SGMS1: variants seen among roughly 807,000 people sequenced by gnomAD.
The protein encoded by SGMS1 is sphingomyelin synthase 1.
SGMS1 carries 13 observed loss-of-function variants against 46.2 expected under a neutral mutation model. The observed-to-expected ratio is 0.28, with a 90% CI of 0.18 to 0.45. SGMS1 has a LOEUF of 0.45. Ranked by LOEUF, SGMS1 falls within the 20% of genes least tolerant of loss-of-function variation. SGMS1 has a pLI of 1.00. For missense variants in SGMS1, 324 were observed against 519.9 expected (o/e 0.62, Z 3.66); for synonymous variants, 203 against 187.8 (o/e 1.08, Z -0.66).
intron 6 of SGMS1, among the ~76,000 whole-genome samples, chr10:50,375,918 A>G (rs1436936587): frequency 6.6e-6 from 1 of 152,126 alleles, no homozygotes; most frequent in East Asian, 1.9e-4. Flanking sequence ...GCTAGACTCA[A>G]ACTCCTGGAT....
At chr10:50,506,641 C>A (rs1277937891) in intron 3 of SGMS1, among the ~76,000 whole-genome samples, 2 of 152,198 alleles carry the variant, frequency 1.3e-5, no homozygotes, top group African/African-American at 4.8e-5. Flanking sequence ...ACACAGGTCA[C>A]TCCTCCAGGA....
At chr10:50,392,502 G>C (rs1848787907) in intron 6 of SGMS1, among the ~76,000 whole-genome samples, 1 of 152,102 alleles carries the variant, frequency 6.6e-6, no homozygotes, top group African/African-American at 2.4e-5. Context: ...GGTTCTACTG[G>C]TGACTAGGTT....
chr10:50,356,493 T>C (rs1848150418), intron 6 of SGMS1, among the ~76,000 whole-genome samples: 1 of 152,058 alleles, frequency 6.6e-6, no homozygotes, highest in Non-Finnish European at 1.5e-5. Context: ...TCTGCTGACC[T>C]TCCCTCCACT....
intron 6 of SGMS1, among the ~76,000 whole-genome samples, chr10:50,403,157 T>C (rs969617906): frequency 4.6e-5 from 7 of 152,184 alleles, no homozygotes; most frequent in African/African-American, 1.2e-4. Context: ...CCGAAAAACA[T>C]AGTTTTAATA....
intron 2 of SGMS1, among the ~76,000 whole-genome samples, chr10:50,540,816 T>C (rs951076829): frequency 6.6e-6 from 1 of 152,136 alleles, no homozygotes; most frequent in Admixed American, 6.5e-5. Flanking sequence ...GCAGGTTTGT[T>C]TGTTTTTTGT....
At chr10:50,421,233 C>T (rs1270300678) in intron 6 of SGMS1, among the ~76,000 whole-genome samples, 1 of 152,190 alleles carries the variant, frequency 6.6e-6, no homozygotes, top group Non-Finnish European at 1.5e-5. Flanking sequence ...TCTGCAACCC[C>T]GATCTTAAAA....
At chr10:50,624,552 G>A (rs1357908637), upstream of SGMS1, 20 of 978,030 alleles carry the variant, frequency 2.0e-5, no homozygotes, top group Admixed American at 6.2e-5. Context: ...AGCTCTAACC[G>A]CGCGAGGTGA....
chr10:50,474,087 C>T (rs960101226), intron 3 of SGMS1: 1 of 152,332 alleles, frequency 6.6e-6, no homozygotes, highest in Middle Eastern at 3.4e-3. Flanking sequence ...TGGACTGAAG[C>T]CAGTTCCCAA....
intron 2 of SGMS1, among the ~76,000 whole-genome samples, chr10:50,587,838 G>T (rs1838501908): frequency 6.6e-6 from 1 of 152,116 alleles, no homozygotes; most frequent in Non-Finnish European, 1.5e-5. Context: ...ATGAGATTGT[G>T]TTAGTCATGC....
chr10:50,320,454 GTCT>G (rs1847422574), intron 8 of SGMS1, among the ~76,000 whole-genome samples: 4 of 152,306 alleles, frequency 2.6e-5, no homozygotes, highest in Admixed American at 1.3e-4. Context: ...TACTACTTAA[GTCT>G]ACTTCCCTCC....
chr10:50,350,539 G>A (rs920641146), intron 6 of SGMS1, among the ~76,000 whole-genome samples: 2 of 152,292 alleles, frequency 1.3e-5, no homozygotes, highest in Non-Finnish European at 2.9e-5. Context: ...AGGCCCAGGA[G>A]GAAAACGTTG....
chr10:50,443,189 C>A (rs1257369996), intron 5 of SGMS1, among the ~76,000 whole-genome samples: 1 of 152,108 alleles, frequency 6.6e-6, no homozygotes, highest in Non-Finnish European at 1.5e-5. Context: ...TTTGCAACAA[C>A]CCTAATGTAG....
chr10:50,624,634 G>A (rs1838900624), upstream of SGMS1: 2 of 985,160 alleles, frequency 2.0e-6, no homozygotes, highest in African/African-American at 3.5e-5. Flanking sequence ...GAGCTGCGGC[G>A]AAAACCCGGA....
chr10:50,622,344 G>A (rs775633750), intron 1 of SGMS1, among the ~76,000 whole-genome samples: 1 of 152,028 alleles, frequency 6.6e-6, no homozygotes, highest in Non-Finnish European at 1.5e-5. Context: ...CACCCATCGC[G>A]TTCCTACGTC....
chr10:50,602,763 G>C lies in SGMS1; in HGVS notation c.-683-12516C>G, dbSNP rs566558321. On this transcript the variant is annotated intron_variant, in intron 1 of 10. Coordinates refer to ENST00000361781, the MANE Select transcript of SGMS1 (RefSeq NM_147156.4). The stretch of plus-strand genomic sequence containing the variant: ...ATTGTATTATTCTCAGTAGGTTCCT[G>C]AACATTTAAAATATTTTAACAATAA... Among the ~76,000 whole-genome samples the C allele has an allele frequency of 2.6e-5, 4 of 152,232 alleles. No individual in the cohort carries two copies. The South Asian group carries it at 8.3e-4, about 32-fold the overall frequency.
At chr10:50,601,059 T>C in intron 1 of SGMS1, among the ~76,000 whole-genome samples, 1 of 152,072 alleles carries the variant, frequency 6.6e-6, no homozygotes, top group East Asian at 1.9e-4. Flanking sequence ...ATCCTTGCAG[T>C]TTAGAAAGAG....
intron 3 of SGMS1, among the ~76,000 whole-genome samples, chr10:50,506,505 C>T (rs1454865606): frequency 6.6e-6 from 1 of 152,024 alleles, no homozygotes; most frequent in Non-Finnish European, 1.5e-5. Context: ...AAAATCCATA[C>T]ATAGATAATG....
intron 5 of SGMS1, among the ~76,000 whole-genome samples, chr10:50,446,000 C>CA (rs1382203784): frequency 6.6e-6 from 1 of 152,154 alleles, no homozygotes; most frequent in African/African-American, 2.4e-5. Context: ...GATAAGCCCC[C>CA]ATCTCCCCTA....
chr10:50,495,225 G>A (rs1481400732), intron 3 of SGMS1, among the ~76,000 whole-genome samples: 3 of 102,674 alleles, frequency 2.9e-5, no homozygotes, highest in Admixed American at 1.6e-4. Context: ...GCAGCAGAGT[G>A]AAGATTCCGT....
Sources: gnomAD v4.1 joint callset for allele counts (sites outside exome capture counted in the v4.1 genomes callset) on GRCh38, gnomAD v4.1.1 for gene constraint, MANE v1.5 for transcripts, NCBI Gene and HGNC (gene_info 2026-07-23, HGNC 2026-07-21) for gene names.